ENTREP2: variants seen among roughly 807,000 people sequenced by gnomAD.
ENTREP2 encodes protein ENTREP2.
the ENTREP2 span, among the ~76,000 whole-genome samples, chr15:29,599,717 G>A: frequency 3.3e-5 from 5 of 152,260 alleles, no homozygotes; most frequent in African/African-American, 1.2e-4. Context: ...TCAGGCACAG[G>A]GGCAGGCCAT....
the ENTREP2 span, among the ~76,000 whole-genome samples, chr15:29,255,965 C>T: frequency 6.9e-6 from 1 of 144,284 alleles, no homozygotes; most frequent in Non-Finnish European, 1.5e-5. Context: ...CACGCTACTG[C>T]ACTCCAGCCT....
chr15:29,231,889 T>C, the ENTREP2 span, among the ~76,000 whole-genome samples: 1 of 139,330 alleles, frequency 7.2e-6, no homozygotes, highest in African/African-American at 2.7e-5. Flanking sequence ...TCTTTTCTTT[T>C]CTTTCTTTTT....
At chr15:29,135,110 G>C in the ENTREP2 span, among the ~76,000 whole-genome samples, 1 of 151,690 alleles carries the variant, frequency 6.6e-6, no homozygotes, top group Non-Finnish European at 1.5e-5. The surrounding 1 kb of genome is among the most constrained non-coding windows in gnomAD (Gnocchi z 7.4). Flanking sequence ...ATTGGCTTCA[G>C]CCCCTACCCC....
the ENTREP2 span, among the ~76,000 whole-genome samples, chr15:29,438,347 G>C: frequency 6.6e-6 from 1 of 152,190 alleles, no homozygotes. Flanking sequence ...ACTCCCCGTG[G>C]CTAACTGACG....
chr15:29,654,676 A>C, the ENTREP2 span, among the ~76,000 whole-genome samples: 1 of 152,164 alleles, frequency 6.6e-6, no homozygotes, highest in South Asian at 2.1e-4. Flanking sequence ...CAAAATTCCT[A>C]TTGCCATGGT....
At chr15:29,458,960 C>G in the ENTREP2 span, among the ~76,000 whole-genome samples, 2 of 152,148 alleles carry the variant, frequency 1.3e-5, no homozygotes. Flanking sequence ...CAGCAGGTGT[C>G]CGGTGCTGAT....
At chr15:29,155,328 G>A in the ENTREP2 span, among the ~76,000 whole-genome samples, 14 of 151,732 alleles carry the variant, frequency 9.2e-5, no homozygotes, top group Non-Finnish European at 8.8e-5. Context: ...CAGAACCAAG[G>A]CAAGGCTCAG....
At chr15:29,433,987 A>G in the ENTREP2 span, among the ~76,000 whole-genome samples, 1,340 of 152,122 alleles carry the variant, frequency 8.8e-3, 15 homozygotes, top group Non-Finnish European at 0.013. Context: ...CCAGCATTAC[A>G]TTGTCAATTT....
the ENTREP2 span, among the ~76,000 whole-genome samples, chr15:29,529,883 G>A: frequency 6.6e-6 from 1 of 152,100 alleles, no homozygotes; most frequent in Non-Finnish European, 1.5e-5. Context: ...CAGGAAAACC[G>A]AAGGTCAGAG....
chr15:29,502,090 C>T, the ENTREP2 span, among the ~76,000 whole-genome samples: 3 of 151,868 alleles, frequency 2.0e-5, no homozygotes, highest in South Asian at 2.1e-4. Flanking sequence ...AAAATCTCAT[C>T]GAGAATTTTT....
chr15:29,205,764 C>T, the ENTREP2 span, among the ~76,000 whole-genome samples: 5 of 152,212 alleles, frequency 3.3e-5, no homozygotes, highest in South Asian at 1.0e-3. Flanking sequence ...CCCACGGAGC[C>T]TCTTCTGTTG....
At chr15:29,353,259 C>A in the ENTREP2 span, among the ~76,000 whole-genome samples, 1 of 151,978 alleles carries the variant, frequency 6.6e-6, no homozygotes, top group Non-Finnish European at 1.5e-5. Context: ...TGGACTGGTG[C>A]ATTTGATGGG....
the ENTREP2 span, among the ~76,000 whole-genome samples, chr15:29,322,664 T>C: frequency 2.6e-5 from 4 of 152,228 alleles, no homozygotes; most frequent in Admixed American, 2.6e-4. Flanking sequence ...CTTTATCTTG[T>C]GTAAAGTGTC....
chr15:29,577,129 A>G, the ENTREP2 span, among the ~76,000 whole-genome samples: 1 of 151,966 alleles, frequency 6.6e-6, no homozygotes, highest in Non-Finnish European at 1.5e-5. Context: ...TAAAAAAAAA[A>G]AGAAAGAAAG....
the ENTREP2 span, among the ~76,000 whole-genome samples, chr15:29,625,510 C>T: frequency 6.6e-6 from 1 of 152,186 alleles, no homozygotes. Flanking sequence ...GTTCTCCTGC[C>T]TCAGCCTCCC....
the ENTREP2 span, among the ~76,000 whole-genome samples, chr15:29,255,568 A>G: frequency 6.6e-6 from 1 of 152,100 alleles, no homozygotes; most frequent in Admixed American, 6.6e-5. Context: ...AAAAAACCCC[A>G]CCTTCACCCA....
the ENTREP2 span, among the ~76,000 whole-genome samples, chr15:29,170,844 C>A: frequency 6.6e-6 from 1 of 152,226 alleles, no homozygotes; most frequent in African/African-American, 2.4e-5. Flanking sequence ...TCTGTTACAG[C>A]AACCTGTCTT....
At chr15:29,588,589 G>A in the ENTREP2 span, among the ~76,000 whole-genome samples, 43 of 98,064 alleles carry the variant, frequency 4.4e-4, no homozygotes, top group East Asian at 0.011. Flanking sequence ...GGGAGGGAGG[G>A]AGGAAGGAAG....
chr15:29,477,132 G>C, the ENTREP2 span, among the ~76,000 whole-genome samples: 5 of 152,160 alleles, frequency 3.3e-5, no homozygotes, highest in African/African-American at 4.8e-5. Flanking sequence ...ACACACTGTT[G>C]AAAGTGTAAG....
Sources: allele counts gnomAD v4.1 joint callset (sites outside exome capture counted in the v4.1 genomes callset), GRCh38; gene constraint gnomAD v4.1.1; non-coding constraint Gnocchi (gnomAD v3.1); transcripts MANE v1.5; gene names NCBI Gene and HGNC (gene_info 2026-07-23, HGNC 2026-07-21).